The following RIPOR2 variants were observed in gnomAD, a reference collection of about 807,000 sequenced individuals.
The protein encoded by RIPOR2 is rho family-interacting cell polarization regulator 2.
RIPOR2 carries 39 observed loss-of-function variants against 114.5 expected under a neutral mutation model. The observed-to-expected ratio is 0.34, with a 90% CI of 0.26 to 0.44. The LOEUF (loss-of-function observed/expected upper bound fraction) is 0.44. Among genes scored for constraint, RIPOR2 ranks in the 20% least tolerant of loss-of-function variants. The probability of loss-of-function intolerance (pLI) is 1.00; values close to 1 mark genes in which losing one functional copy is unlikely to be tolerated. For synonymous variants in RIPOR2, 445 were observed against 484.4 expected (o/e 0.92, Z 1.07); for missense variants, 1,007 against 1,255.1 (o/e 0.80, Z 2.99).
intron 1 of RIPOR2, 82 bp from the exon 2 acceptor site, chr6:24,875,899 G>T: frequency 7.6e-7 from 1 of 1,322,614 alleles, no homozygotes; most frequent in Non-Finnish European, 1.1e-6. Context: ...AATGATAAAG[G>T]ATGTAAAGTA....
intron 1 of RIPOR2, among the ~76,000 whole-genome samples, chr6:24,927,762 T>C (rs1178360294): frequency 1.3e-5 from 2 of 152,194 alleles, no homozygotes; most frequent in African/African-American, 4.8e-5. Flanking sequence ...TTGAATCTTC[T>C]CAGGGGTTAG....
chr6:24,820,915 C>T (rs1160563708), intron 19 of RIPOR2, among the ~76,000 whole-genome samples: 1 of 132,184 alleles, frequency 7.6e-6, no homozygotes, highest in Non-Finnish European at 1.5e-5. Context: ...CTTGGTAACC[C>T]AGGCTGGAGT....
chr6:24,843,923 A>G (rs1762006155), intron 12 of RIPOR2, among the ~76,000 whole-genome samples: 1 of 152,138 alleles, frequency 6.6e-6, no homozygotes, highest in Non-Finnish European at 1.5e-5. Context: ...TATGAATAAC[A>G]TTACCAATTT....
At chr6:24,831,738 C>T (rs1229633596) in intron 16 of RIPOR2, among the ~76,000 whole-genome samples, 1 of 152,168 alleles carries the variant, frequency 6.6e-6, no homozygotes, top group Non-Finnish European at 1.5e-5. Flanking sequence ...TACAAAAGTG[C>T]CCCATAGCCA....
At chr6:24,979,304 T>G (rs1426985853) in intron 1 of RIPOR2, among the ~76,000 whole-genome samples, 1 of 139,592 alleles carries the variant, frequency 7.2e-6, no homozygotes, top group Non-Finnish European at 1.6e-5. Flanking sequence ...TTTTTTTTTT[T>G]TGCTGTTTCC....
chr6:24,985,682 C>T (rs921136641), intron 1 of RIPOR2, among the ~76,000 whole-genome samples: 2 of 152,084 alleles, frequency 1.3e-5, no homozygotes, highest in African/African-American at 4.8e-5. Context: ...TCTGGGACCC[C>T]CCTAGACCCC....
intron 1 of RIPOR2, among the ~76,000 whole-genome samples, chr6:24,893,559 C>T (rs1292660627): frequency 6.6e-6 from 1 of 152,190 alleles, no homozygotes; most frequent in Non-Finnish European, 1.5e-5. Context: ...GGCCTTTTAG[C>T]CTGGTGCATT....
chr6:24,844,599 T>C (rs999520150), intron 12 of RIPOR2, among the ~76,000 whole-genome samples: 2 of 151,866 alleles, frequency 1.3e-5, no homozygotes, highest in Admixed American at 1.3e-4. Flanking sequence ...GCCTCCCAAG[T>C]AGCTAGGATT....
chr6:24,962,324 T>C (rs200808805), intron 1 of RIPOR2, among the ~76,000 whole-genome samples: 1 of 152,192 alleles, frequency 6.6e-6, no homozygotes, highest in South Asian at 2.1e-4. Flanking sequence ...ACAGAAGAGA[T>C]AAGTAAAAAG....
At chr6:24,894,413 A>G (rs761321427) in intron 1 of RIPOR2, among the ~76,000 whole-genome samples, 4 of 152,230 alleles carry the variant, frequency 2.6e-5, no homozygotes, top group Non-Finnish European at 5.9e-5. Context: ...TGGAACTGGA[A>G]TGAGGGTTTC....
At chr6:24,976,799 A>T in intron 1 of RIPOR2, 9 of 1,611,674 alleles carry the variant, frequency 5.6e-6, no homozygotes, top group Non-Finnish European at 7.6e-6. Flanking sequence ...TGCTGGACCC[A>T]ACACAAATGG....
intron 10 of RIPOR2, among the ~76,000 whole-genome samples, 179 bp from the exon 11 acceptor site, chr6:24,850,129 C>T (rs1277284537): frequency 1.5e-5 from 2 of 137,164 alleles, no homozygotes; most frequent in Admixed American, 1.6e-4. Context: ...CAGGGTCTCT[C>T]TCTGTCACCC....
intron 7 of RIPOR2, among the ~76,000 whole-genome samples, chr6:24,864,161 G>A (rs533578740): frequency 7.2e-5 from 11 of 151,942 alleles, no homozygotes; most frequent in Non-Finnish European, 1.6e-4. Flanking sequence ...AAAATTAGCC[G>A]GGTGTGGTGG....
intron 1 of RIPOR2, among the ~76,000 whole-genome samples, chr6:24,983,242 G>A (rs966509697): frequency 5.4e-5 from 8 of 148,242 alleles, no homozygotes; most frequent in Admixed American, 3.4e-4. Context: ...ACACACACAG[G>A]CACACACATA....
chr6:24,844,457 A>G (rs1238827118), intron 12 of RIPOR2, among the ~76,000 whole-genome samples: 1 of 152,078 alleles, frequency 6.6e-6, no homozygotes, highest in East Asian at 1.9e-4. Context: ...TAACCCCTTC[A>G]AAATGGTTAA....
intron 1 of RIPOR2, among the ~76,000 whole-genome samples, chr6:24,877,800 C>T (rs1469624013): frequency 5.3e-5 from 8 of 152,252 alleles, no homozygotes; most frequent in African/African-American, 1.7e-4. Flanking sequence ...ACTGCTGTGT[C>T]GTTCCCCTAT....
intron 1 of RIPOR2, among the ~76,000 whole-genome samples, chr6:24,897,628 T>C (rs1768014452): frequency 6.6e-6 from 1 of 152,220 alleles, no homozygotes; most frequent in Non-Finnish European, 1.5e-5. Flanking sequence ...TCGTCTAAAC[T>C]TTACATGTGT....
chr6:24,866,705 T>A (rs755774424), intron 6 of RIPOR2, among the ~76,000 whole-genome samples: 1 of 152,058 alleles, frequency 6.6e-6, no homozygotes, highest in Non-Finnish European at 1.5e-5. Context: ...ATAAGTCTGG[T>A]ACTATCTTTA....
intron 1 of RIPOR2, among the ~76,000 whole-genome samples, chr6:24,950,947 A>C (rs1465251824): frequency 6.6e-6 from 1 of 152,210 alleles, no homozygotes; most frequent in Admixed American, 6.5e-5. Flanking sequence ...TCAGTTTTGA[A>C]GGCAGCATGC....
Sources: allele counts gnomAD v4.1 joint callset (sites outside exome capture counted in the v4.1 genomes callset), GRCh38; gene constraint gnomAD v4.1.1; transcripts MANE v1.5; gene names NCBI Gene and HGNC (gene_info 2026-07-23, HGNC 2026-07-21).